Variants in GPC5 observed in about 807,000 individuals in gnomAD.
The protein encoded by GPC5 is glypican 5.
GPC5 carries 47 observed loss-of-function variants against 53.9 expected under a neutral mutation model. The observed-to-expected ratio is 0.87, with a 90% CI of 0.69 to 1.11. The LOEUF is 1.11. Among genes scored for constraint, GPC5 ranks in the 50% most tolerant of loss-of-function variants. GPC5 has a pLI of 0.00. For missense variants in GPC5, 748 were observed against 713.1 expected (o/e 1.05, Z -0.56); for synonymous variants, 286 against 263.3 (o/e 1.09, Z -0.84).
chr13:92,019,474 C>T (rs1477354614), intron 6 of GPC5, among the ~76,000 whole-genome samples: 2 of 152,000 alleles, frequency 1.3e-5, no homozygotes, highest in Non-Finnish European at 2.9e-5. Flanking sequence ...CTACATCTTA[C>T]ATGACTACAA....
intron 2 of GPC5, among the ~76,000 whole-genome samples, chr13:91,450,288 A>G (rs1881093331): frequency 6.6e-6 from 1 of 152,172 alleles, no homozygotes; most frequent in Non-Finnish European, 1.5e-5. Flanking sequence ...AAGATTTGTG[A>G]TTTAGCTGAG....
intron 7 of GPC5, among the ~76,000 whole-genome samples, chr13:92,552,662 G>A (rs1030929931): frequency 6.6e-6 from 1 of 151,822 alleles, no homozygotes; most frequent in African/African-American, 2.4e-5. Flanking sequence ...TCCACTCAGT[G>A]ATCTCTCCAT....
intron 3 of GPC5, chr13:91,725,032 G>A (rs916961313): frequency 6.6e-6 from 1 of 152,268 alleles, no homozygotes; most frequent in African/African-American, 2.4e-5. Flanking sequence ...AGATAAGTTT[G>A]TGCTTTTGCA....
chr13:91,819,684 G>T (rs2038459879), intron 5 of GPC5, among the ~76,000 whole-genome samples: 1 of 151,922 alleles, frequency 6.6e-6, no homozygotes, highest in African/African-American at 2.4e-5. Flanking sequence ...TTCACATTGG[G>T]GCTATTCAGA....
At chr13:92,196,517 T>C (rs142856426) in intron 7 of GPC5, among the ~76,000 whole-genome samples, 60 of 152,324 alleles carry the variant, frequency 3.9e-4, no homozygotes, top group African/African-American at 1.4e-3. Flanking sequence ...CCCTAGAATA[T>C]AATTACTGTC....
intron 7 of GPC5, among the ~76,000 whole-genome samples, chr13:92,519,156 T>A (rs1280183072): frequency 2.0e-5 from 3 of 152,294 alleles, no homozygotes; most frequent in Non-Finnish European, 2.9e-5. Context: ...CAAAGAGACT[T>A]AGACTCCCAC....
chr13:92,311,356 C>T (rs1054153459), intron 7 of GPC5, among the ~76,000 whole-genome samples: 10 of 152,164 alleles, frequency 6.6e-5, no homozygotes, highest in Middle Eastern at 3.4e-3. Flanking sequence ...GGCTCATCTT[C>T]TGCTAGAGGA....
intron 7 of GPC5, among the ~76,000 whole-genome samples, chr13:92,549,055 C>A (rs1005688429): frequency 1.3e-5 from 2 of 151,960 alleles, no homozygotes; most frequent in South Asian, 4.2e-4. Flanking sequence ...TTTTTTCTGG[C>A]TATATTTAAA....
chr13:91,874,190 T>G (rs865782517), intron 5 of GPC5, among the ~76,000 whole-genome samples: 1 of 152,198 alleles, frequency 6.6e-6, no homozygotes, highest in South Asian at 2.1e-4. Flanking sequence ...TCCTAGACTA[T>G]TAATATGAAG....
chr13:92,460,270 ATGTGTTT>A (rs1203516452), intron 7 of GPC5, among the ~76,000 whole-genome samples: 3 of 152,176 alleles, frequency 2.0e-5, no homozygotes, highest in Non-Finnish European at 4.4e-5. Flanking sequence ...AAAAACTAAT[ATGTGTTT>A]TGTTAATTTT....
intron 4 of GPC5, among the ~76,000 whole-genome samples, chr13:91,753,158 T>C (rs1412983850): frequency 6.6e-6 from 1 of 152,220 alleles, no homozygotes; most frequent in Non-Finnish European, 1.5e-5. Context: ...CCTGAATATT[T>C]TATTCTGGAC....
At chr13:91,901,396 C>T (rs2039495926) in intron 5 of GPC5, among the ~76,000 whole-genome samples, 1 of 152,032 alleles carries the variant, frequency 6.6e-6, no homozygotes, top group African/African-American at 2.4e-5. Context: ...TCTAAATCCC[C>T]TGTAAGCCTC....
chr13:91,973,474 G>C (rs1159087159), intron 6 of GPC5, among the ~76,000 whole-genome samples: 1 of 152,198 alleles, frequency 6.6e-6, no homozygotes, highest in African/African-American at 2.4e-5. Flanking sequence ...ACTCGTCAAA[G>C]TCATTCTCCG....
At chr13:92,755,538 G>A (rs1269269088) in intron 7 of GPC5, among the ~76,000 whole-genome samples, 4 of 151,658 alleles carry the variant, frequency 2.6e-5, no homozygotes, top group Non-Finnish European at 5.9e-5. Flanking sequence ...AATGAATCCA[G>A]GAGCTGGTTT....
intron 6 of GPC5, among the ~76,000 whole-genome samples, chr13:92,071,447 G>A (rs1029358695): frequency 2.6e-5 from 4 of 151,922 alleles, no homozygotes; most frequent in African/African-American, 9.7e-5. Context: ...TGTTCTATAA[G>A]CAATTATTTT....
chr13:91,597,033 C>A (rs1470604843), intron 2 of GPC5, among the ~76,000 whole-genome samples: 1 of 152,182 alleles, frequency 6.6e-6, no homozygotes, highest in Non-Finnish European at 1.5e-5. Context: ...CTTCCTGGCT[C>A]TGCATGAGCT....
chr13:92,370,904 T>C (rs992315514), intron 7 of GPC5, among the ~76,000 whole-genome samples: 7 of 152,180 alleles, frequency 4.6e-5, no homozygotes, highest in Non-Finnish European at 7.4e-5. Flanking sequence ...ATCCCAGCAC[T>C]TTGGGAGGCT....
At chr13:91,645,080 T>C (rs904951640) in intron 2 of GPC5, among the ~76,000 whole-genome samples, 2 of 152,244 alleles carry the variant, frequency 1.3e-5, no homozygotes, top group East Asian at 3.8e-4. Context: ...TTCCTGGCTT[T>C]ACCACTTGTT....
chr13:91,940,342 G>C (rs139899040), intron 6 of GPC5, among the ~76,000 whole-genome samples: 3,713 of 152,202 alleles, frequency 0.024, 147 homozygotes, highest in African/African-American at 0.085. Flanking sequence ...TTTTATGGCT[G>C]CATAGTATTC....
Sources: gnomAD v4.1 joint callset for allele counts (sites outside exome capture counted in the v4.1 genomes callset) on GRCh38, gnomAD v4.1.1 for gene constraint, MANE v1.5 for transcripts, NCBI Gene and HGNC (gene_info 2026-07-23, HGNC 2026-07-21) for gene names.